Variants in CHN1 observed in about 807,000 individuals in gnomAD.
CHN1 encodes the protein N-chimaerin.
In CHN1, 37 loss-of-function variants were observed where a neutral mutation model predicts 59.5. The observed-to-expected ratio is 0.62, with a 90% CI of 0.48 to 0.82. CHN1 has a LOEUF of 0.82. Among genes scored for constraint, CHN1 ranks in the 40% least tolerant of loss-of-function variants. CHN1 has a pLI of 0.00. For synonymous variants in CHN1, 206 were observed against 200.4 expected, an observed-to-expected ratio of 1.03 and a Z score of -0.24; for missense variants, 469 against 571.0, an observed-to-expected ratio of 0.82 and a Z score of 1.82.
At chr2:174,905,297 TAG>T (rs1196200842) in intron 5 of CHN1, among the ~76,000 whole-genome samples, 1 of 152,194 alleles carries the variant, frequency 6.6e-6, no homozygotes, top group Non-Finnish European at 1.5e-5. Flanking sequence ...AGTAGATAAC[TAG>T]AGAGACAGTC....
chr2:174,808,526 C>T (rs1333198813), intron 11 of CHN1, among the ~76,000 whole-genome samples: 1 of 152,214 alleles, frequency 6.6e-6, no homozygotes, highest in Admixed American at 6.5e-5. Context: ...TTCAGGTGAT[C>T]TGCCCACCTC....
chr2:174,857,989 G>C (rs1287779007), intron 6 of CHN1, among the ~76,000 whole-genome samples: 1 of 152,056 alleles, frequency 6.6e-6, no homozygotes, highest in African/African-American at 2.4e-5. Flanking sequence ...ATTATTAGGA[G>C]TGTTTTCAGA....
intron 5 of CHN1, among the ~76,000 whole-genome samples, chr2:174,892,316 A>C (rs79778756): frequency 0.06 from 9,200 of 152,302 alleles, 391 homozygotes; most frequent in Middle Eastern, 0.14. Flanking sequence ...GCCTTTATGA[A>C]ACAATCACTT....
At chr2:174,932,897 A>G (rs894060866) in intron 3 of CHN1, among the ~76,000 whole-genome samples, 1 of 152,162 alleles carries the variant, frequency 6.6e-6, no homozygotes, top group African/African-American at 2.4e-5. Flanking sequence ...TCTTTTCTCT[A>G]TGTATTACCC....
chr2:174,825,351 A>G (rs887820461), intron 7 of CHN1, among the ~76,000 whole-genome samples: 6 of 152,216 alleles, frequency 3.9e-5, no homozygotes, highest in Non-Finnish European at 7.3e-5. Flanking sequence ...TATGTTAGCA[A>G]GGAGAATAAA....
chr2:174,895,032 TAC>T lies in CHN1; in HGVS notation c.261-16906_261-16905del, dbSNP rs200345010. On this transcript the variant is annotated intron_variant, in intron 5 of 12. Coordinates refer to ENST00000409900, the MANE Select transcript of CHN1 (RefSeq NM_001822.7). ...TTATCAGCTGGAAAAACATAGTATA[TAC>T]ACACACACACGCGCGCACACACACA... Among the ~76,000 whole-genome samples the T allele has an allele frequency of 2.5e-3, 356 of 145,034 alleles. 2 individuals are homozygous for T. The highest frequency in any genetic ancestry group is 9.6e-3 in the African/African-American group (343 of 35,724).
chr2:174,940,042 T>G (rs1161954272), intron 3 of CHN1, among the ~76,000 whole-genome samples: 6 of 152,164 alleles, frequency 3.9e-5, no homozygotes, highest in Admixed American at 2.0e-4. Flanking sequence ...TTTATTTATT[T>G]ATTTTTAGAC....
chr2:174,940,365 GTTA>G (rs1261882193), intron 3 of CHN1, among the ~76,000 whole-genome samples: 3 of 152,058 alleles, frequency 2.0e-5, no homozygotes, highest in Non-Finnish European at 2.9e-5. Context: ...ATCTAGGAAA[GTTA>G]TTATGATTCC....
intron 1 of CHN1, among the ~76,000 whole-genome samples, chr2:174,983,446 C>T (rs1037908814): frequency 2.6e-5 from 4 of 151,940 alleles, no homozygotes; most frequent in Admixed American, 6.6e-5. Context: ...GGAGGTCCCA[C>T]ATACATGAAA....
intron 1 of CHN1, among the ~76,000 whole-genome samples, chr2:174,996,350 A>C (rs1229756924): frequency 6.6e-6 from 1 of 152,210 alleles, no homozygotes; most frequent in Non-Finnish European, 1.5e-5. Context: ...CCACTTTTTC[A>C]AGTGGGTCAA....
intron 1 of CHN1, among the ~76,000 whole-genome samples, chr2:174,953,630 C>T (rs1690096355): frequency 6.6e-6 from 1 of 152,032 alleles, no homozygotes; most frequent in Admixed American, 6.6e-5. Flanking sequence ...CAACTGTGAC[C>T]AAGCTGAGAA....
Position 175,005,072 on chromosome 2 carries a change from G to T in CHN1, c.-160C>A. On this transcript the variant is annotated 5_prime_UTR_variant, in exon 1 of 13. Transcript: ENST00000409900. ...CCGGGGAGGCTGCAGGCCGGGACGC[G>T]GGGGACCGCTGCAAGAAAAAGTTAT... is the stretch of plus-strand genomic sequence containing the variant. 1 of 1,339,864 alleles carries T rather than the reference G, an allele frequency of 7.5e-7. No individual in the cohort carries two copies. Among genetic ancestry groups the T allele is most frequent in the Non-Finnish European group, 9.6e-7 (1 of 1,043,636 alleles). 83.0% of individuals were successfully genotyped at this position (1,339,864 alleles called of 1,614,324 possible).
intron 7 of CHN1, among the ~76,000 whole-genome samples, chr2:174,844,058 TATTTTCTA>T (rs1367799334): frequency 1.3e-5 from 2 of 152,262 alleles, no homozygotes; most frequent in Non-Finnish European, 2.9e-5. Flanking sequence ...CAATTACAAT[TATTTTCTA>T]ATTGATTTAG....
At chr2:174,803,448 G>A (rs1401426134) in intron 11 of CHN1, among the ~76,000 whole-genome samples, 32 of 152,124 alleles carry the variant, frequency 2.1e-4, no homozygotes, top group Non-Finnish European at 1.5e-4. Flanking sequence ...TCTGAACTTT[G>A]GGGCCTTTAA....
chr2:174,946,156 A>G (rs1453468313), intron 2 of CHN1, among the ~76,000 whole-genome samples: 2 of 152,162 alleles, frequency 1.3e-5, no homozygotes, highest in African/African-American at 4.8e-5. Flanking sequence ...GCAAAATGGG[A>G]TTAATAATAG....
At chr2:174,943,730 CCTT>C (rs1689742262) in intron 3 of CHN1, among the ~76,000 whole-genome samples, 1 of 152,032 alleles carries the variant, frequency 6.6e-6, no homozygotes, top group Non-Finnish European at 1.5e-5. Flanking sequence ...TTCATCCACT[CCTT>C]ATCATAATTA....
At chr2:174,850,233 C>T (rs1450604041) in intron 6 of CHN1, among the ~76,000 whole-genome samples, 2 of 152,160 alleles carry the variant, frequency 1.3e-5, no homozygotes, top group Non-Finnish European at 2.9e-5. Context: ...ATCTGTGTAG[C>T]TGTTTAAATA....
At chr2:174,848,063 C>T (rs1686596303) in intron 6 of CHN1, among the ~76,000 whole-genome samples, 1 of 152,106 alleles carries the variant, frequency 6.6e-6, no homozygotes, top group African/African-American at 2.4e-5. Context: ...AGAAGTTTAA[C>T]TAGGTATCAT....
At chr2:174,952,631 T>C (rs1022562781) in intron 1 of CHN1, among the ~76,000 whole-genome samples, 27 of 152,220 alleles carry the variant, frequency 1.8e-4, no homozygotes, top group Non-Finnish European at 4.0e-4. Context: ...ATTTCTATTA[T>C]TTTCCCCCGT....
Sources: allele counts gnomAD v4.1 joint callset (sites outside exome capture counted in the v4.1 genomes callset), GRCh38; gene constraint gnomAD v4.1.1; transcripts MANE v1.5; gene names NCBI Gene and HGNC (gene_info 2026-07-23, HGNC 2026-07-21).